PRKACA: variants seen among roughly 807,000 people sequenced by gnomAD.
The protein encoded by PRKACA is protein kinase cAMP-activated catalytic subunit alpha, also known as cAMP-dependent protein kinase catalytic subunit alpha.
A neutral mutation model predicts 45.8 loss-of-function variants in PRKACA; 9 were observed. That is an observed-to-expected ratio of 0.20 (90% CI 0.12 to 0.34). The LOEUF (loss-of-function observed/expected upper bound fraction) is 0.34, where lower values mean the gene tolerates loss of function less well. Ranked by LOEUF, PRKACA falls within the 10% of genes least tolerant of loss-of-function variation. The pLI is 1.00. For synonymous variants in PRKACA, 160 were observed against 178.6 expected, an observed-to-expected ratio of 0.90 and a Z score of 0.83; for missense variants, 238 against 458.6, an observed-to-expected ratio of 0.52 and a Z score of 4.39.
rs1299403679 is a variant in PRKACA at position 14,100,963 on chromosome 19, G to A, written c.337-55C>T. 3 of 1,523,146 alleles carry A rather than the reference G, an allele frequency of 2.0e-6. No homozygotes were observed. In the East Asian group the frequency reaches 6.7e-5, roughly 34 times the overall value. 94.4% of individuals were successfully genotyped at this position (1,523,146 alleles called of 1,614,324 possible). A position where few individuals can be genotyped will look rare whatever the true frequency, so the allele number is the denominator to read the frequency against. Reference sequence around the variant, plus strand: ...CACCCCTGAGACTTGGACCCGATCTGAAGGCCTTGGGGGCCTCCCCGGCTG... The same window carrying A: ...CACCCCTGAGACTTGGACCCGATCTAAAGGCCTTGGGGGCCTCCCCGGCTG... On this transcript the variant is annotated intron_variant, in intron 4 of 9. Coordinates refer to ENST00000308677, the MANE Select transcript of PRKACA (RefSeq NM_002730.4).
intron 1 of PRKACA, among the ~76,000 whole-genome samples, chr19:14,111,465 A>G (rs1048061749): frequency 1.2e-4 from 19 of 152,068 alleles, no homozygotes; most frequent in Non-Finnish European, 7.4e-5. Context: ...GCCCCACAAT[A>G]AATGACCAGG....
At chr19:14,112,614 G>A (rs991789069) in intron 1 of PRKACA, 2 of 152,320 alleles carry the variant, frequency 1.3e-5, no homozygotes, top group Non-Finnish European at 2.9e-5. Flanking sequence ...AGCTTTTAAA[G>A]GTACCTGCTC....
At chr19:14,114,676 C>G (rs546387749) in intron 1 of PRKACA, among the ~76,000 whole-genome samples, 1 of 152,240 alleles carries the variant, frequency 6.6e-6, no homozygotes, top group South Asian at 2.1e-4. Flanking sequence ...CCCCTGGGGC[C>G]GCTGCTCCCT....
intron 2 of PRKACA, 82 bp downstream of exon 2, chr19:14,107,266 T>A (rs1977640648): frequency 7.1e-7 from 1 of 1,412,844 alleles, no homozygotes; most frequent in East Asian, 2.3e-5. Flanking sequence ...TTTCTGAAAT[T>A]CTAGCTGTGT....
chr19:14,098,615 C>G (rs1411710375), intron 5 of PRKACA: 1 of 151,724 alleles, frequency 6.6e-6, no homozygotes, highest in Non-Finnish European at 1.5e-5. Context: ...CTTGCCTCAG[C>G]CTCCTGAGTA....
chr19:14,113,552 A>G (rs769715104), intron 1 of PRKACA, among the ~76,000 whole-genome samples: 3 of 152,130 alleles, frequency 2.0e-5, no homozygotes, highest in Non-Finnish European at 4.4e-5. Flanking sequence ...CAGAATATCA[A>G]TTTGGGCAAG....
In PRKACA at chr19:14,107,533, T is replaced by C. The variant is rs1977649421; in HGVS notation, c.47-124A>G. The C allele has an allele frequency of 6.0e-6, 8 of 1,323,964 alleles. No homozygotes were observed. In the South Asian group the frequency reaches 9.6e-5, roughly 16 times the overall value. The allele number at this position is 1,323,964 out of a possible 1,614,324, so 82.0% of individuals were successfully genotyped here. On this transcript the variant is annotated intron_variant, in intron 1 of 9. Coordinates refer to ENST00000308677, the MANE Select transcript of PRKACA (RefSeq NM_002730.4). ...GTTCCAACCCAGAGCCTGACCTTTT[T>C]CTGGTGCCTCTGGGGCCTTGGCTGG...
chr19:14,109,543 G>A (rs140950028), intron 1 of PRKACA, among the ~76,000 whole-genome samples: 183 of 151,836 alleles, frequency 1.2e-3, no homozygotes, highest in Non-Finnish European at 1.4e-3. Flanking sequence ...GCTTGAATCC[G>A]GGAGACTGAG....
intron 2 of PRKACA, 71 bp from the exon 3 acceptor site, chr19:14,106,959 TCCCCTCTGCCACC>T (rs1977630031): frequency 7.0e-6 from 11 of 1,571,056 alleles, no homozygotes; most frequent in African/African-American, 2.7e-5. Flanking sequence ...GTCTGGGGCA[TCCCCTCTGCCACC>T]GGCAGAGGGG....
At chr19:14,102,738 G>A in intron 4 of PRKACA, 78 bp downstream of exon 4, 4 of 1,265,770 alleles carry the variant, frequency 3.2e-6, no homozygotes, top group African/African-American at 1.5e-5. Flanking sequence ...ATTGTCCTCA[G>A]CTCCGACCCC....
At chr19:14,112,014 G>A (rs567797243) in intron 1 of PRKACA, among the ~76,000 whole-genome samples, 34 of 152,302 alleles carry the variant, frequency 2.2e-4, no homozygotes, top group Admixed American at 8.5e-4. Flanking sequence ...GTGCCCCACA[G>A]AGTCGCTCCA....
intron 1 of PRKACA, chr19:14,107,757 T>C: frequency 9.6e-7 from 1 of 1,047,040 alleles, no homozygotes; most frequent in Non-Finnish European, 1.2e-6. Flanking sequence ...ATTTATAGCC[T>C]TGGGATTTGG....
intron 8 of PRKACA, among the ~76,000 whole-genome samples, chr19:14,094,877 G>A (rs917485974): frequency 2.0e-5 from 3 of 152,284 alleles, no homozygotes; most frequent in East Asian, 3.9e-4. Context: ...CTGAGCCCAC[G>A]CCTTGTATGC....
intron 1 of PRKACA, among the ~76,000 whole-genome samples, chr19:14,113,714 G>A (rs1330934970): frequency 6.6e-6 from 1 of 152,128 alleles, no homozygotes; most frequent in Non-Finnish European, 1.5e-5. Flanking sequence ...CTCGAGGCTG[G>A]CTGATTCCTC....
chr19:14,101,472 G>C (rs1977440878), intron 4 of PRKACA, among the ~76,000 whole-genome samples: 1 of 152,124 alleles, frequency 6.6e-6, no homozygotes, highest in South Asian at 2.1e-4. Context: ...AGACTGAGGT[G>C]GGAGGATTGC....
Position 14,097,069 on chromosome 19 carries a change from G to A in PRKACA, c.765+292C>T, listed in dbSNP as rs1977281256. The A allele has an allele frequency of 2.1e-5, 9 of 436,046 alleles. No homozygotes were observed. The highest frequency in any genetic ancestry group is 1.5e-4 in the South Asian group (7 of 47,928). 27.0% of individuals were successfully genotyped at this position (436,046 alleles called of 1,614,324 possible). The stretch of plus-strand genomic sequence containing the variant: ...ACTCACACTAACTGGGATGAGGAGC[G>A]AAAAGGAGGGTCGTCTGGCAGGGCG... On this transcript the variant is annotated intron_variant, in intron 8 of 9. Coordinates refer to ENST00000308677, the MANE Select transcript of PRKACA (RefSeq NM_002730.4). This position sits in a 1 kb window ranked among gnomAD's most constrained non-coding sequence, Gnocchi z 5.4.
At position 14,092,088 on chromosome 19, in the gene PRKACA, C is replaced by T. The variant is rs1171485720; in HGVS notation, c.*1024G>A. On this transcript the variant is annotated 3_prime_UTR_variant, in exon 10 of 10. Coordinates refer to ENST00000308677, the MANE Select transcript of PRKACA (RefSeq NM_002730.4). ...AACCCCGGGCCGTGGCTTGGGGGGA[C>T]TTGGCCTCTTCTGTTCCCTTTTGCA... 1 of 152,324 alleles carries T rather than the reference C, an allele frequency of 6.6e-6. No homozygotes were observed. Among genetic ancestry groups the T allele is most frequent in the Non-Finnish European group, 1.5e-5 (1 of 68,144 alleles). 9.4% of individuals were successfully genotyped at this position (152,324 alleles called of 1,614,324 possible).
chr19:14,106,086 C>G (rs894388500), intron 3 of PRKACA, among the ~76,000 whole-genome samples: 2 of 152,016 alleles, frequency 1.3e-5, no homozygotes, highest in African/African-American at 4.8e-5. Flanking sequence ...CATGGTGGCT[C>G]ATGCCTGTAA....
At chr19:14,099,936 C>T (rs1489717114) in intron 5 of PRKACA, among the ~76,000 whole-genome samples, 6 of 152,092 alleles carry the variant, frequency 3.9e-5, no homozygotes, top group East Asian at 1.9e-4. Flanking sequence ...CTCCGCCTCC[C>T]GGGTTCACGC....
Sources: allele counts gnomAD v4.1 joint callset (sites outside exome capture counted in the v4.1 genomes callset), GRCh38; gene constraint gnomAD v4.1.1; non-coding constraint Gnocchi (gnomAD v3.1); transcripts MANE v1.5; gene names NCBI Gene and HGNC (gene_info 2026-07-23, HGNC 2026-07-21).